The following TMPRSS4 variants were observed in gnomAD, a reference collection of about 807,000 sequenced individuals.
TMPRSS4 encodes transmembrane protease serine 4.
A neutral mutation model predicts 56.4 loss-of-function variants in TMPRSS4; 45 were observed. The observed-to-expected ratio is 0.80, with a 90% CI of 0.63 to 1.02. The LOEUF is 1.02. Ranked by LOEUF, TMPRSS4 falls within the 50% of genes least tolerant of loss-of-function variation. The probability of loss-of-function intolerance (pLI) is 0.00; values close to 1 mark genes in which losing one functional copy is unlikely to be tolerated. For synonymous variants in TMPRSS4, 205 were observed against 211.0 expected (o/e 0.97, Z 0.25); for missense variants, 546 against 556.7 (o/e 0.98, Z 0.19).
At chr11:118,093,971 T>C (rs1222717354) in intron 1 of TMPRSS4, among the ~76,000 whole-genome samples, 1 of 152,246 alleles carries the variant, frequency 6.6e-6, no homozygotes, top group Non-Finnish European at 1.5e-5. Context: ...GCACTGAGAA[T>C]GTTTATTCTT....
chr11:118,098,031 A>C (rs1375323932), intron 2 of TMPRSS4, among the ~76,000 whole-genome samples: 1 of 152,244 alleles, frequency 6.6e-6, no homozygotes, highest in East Asian at 1.9e-4. Context: ...CGGCCTCCCA[A>C]AGTGCTGGGA....
At chr11:118,103,389 T>TTTGTTTGTTTGTTTG (rs1555087229) in intron 4 of TMPRSS4, 136 bp downstream of exon 4, 5 of 1,141,016 alleles carry the variant, frequency 4.4e-6, no homozygotes, top group Non-Finnish European at 6.0e-6. Context: ...TGTTTGTTTG[T>TTTGTTTGTTTGTTTG]TTGTTGTTGT....
At chr11:118,114,556 G>A (rs1947443041) in intron 9 of TMPRSS4, among the ~76,000 whole-genome samples, 1 of 152,202 alleles carries the variant, frequency 6.6e-6, no homozygotes, top group African/African-American at 2.4e-5. Context: ...TGGTTGTCTA[G>A]TATCTGTCCC....
intron 3 of TMPRSS4, 61 bp from the exon 4 acceptor site, chr11:118,103,040 C>T (rs529461950): frequency 1.1e-5 from 18 of 1,585,598 alleles, no homozygotes; most frequent in African/African-American, 4.0e-5. Context: ...GAAAACCCAG[C>T]GTCTCCCTGC....
chr11:118,110,534 G>A (rs757027585), intron 7 of TMPRSS4, among the ~76,000 whole-genome samples: 5 of 151,994 alleles, frequency 3.3e-5, no homozygotes, highest in Non-Finnish European at 7.4e-5. Context: ...CACCATGCCC[G>A]GCTAATTTTT....
chr11:118,093,714 A>G (rs1299868371), intron 1 of TMPRSS4, among the ~76,000 whole-genome samples: 1 of 152,182 alleles, frequency 6.6e-6, no homozygotes, highest in African/African-American at 2.4e-5. Context: ...CCACCCAGTG[A>G]ATTTTTGCAC....
chr11:118,103,316 C>A (rs569745703), intron 4 of TMPRSS4, 63 bp downstream of exon 4: 3 of 1,569,396 alleles, frequency 1.9e-6, no homozygotes, highest in South Asian at 2.3e-5. Flanking sequence ...CAGGCCCCCA[C>A]GGCCCACTGC....
At chr11:118,080,507 C>T (rs1165937829) in intron 1 of TMPRSS4, among the ~76,000 whole-genome samples, 2 of 152,156 alleles carry the variant, frequency 1.3e-5, no homozygotes, top group Non-Finnish European at 2.9e-5. Context: ...TGCCTGGGTG[C>T]TTCCCTGGAG....
intron 3 of TMPRSS4, among the ~76,000 whole-genome samples, chr11:118,101,476 C>G (rs776946462): frequency 3.3e-5 from 5 of 151,932 alleles, no homozygotes; most frequent in Non-Finnish European, 5.9e-5. Context: ...GTTTGTATGT[C>G]TGTCTGCTTG....
rs183170736 is a variant in TMPRSS4 at position 118,103,002 on chromosome 11, G to A, written c.158-99G>A. The A allele has an allele frequency of 1.0e-4, 150 of 1,485,430 alleles. No homozygotes were observed. In the East Asian group the frequency reaches 2.5e-3, roughly 25 times the overall value. 92.0% of individuals were successfully genotyped at this position (1,485,430 alleles called of 1,614,324 possible). A position where few individuals can be genotyped will look rare whatever the true frequency, so the allele number is the denominator to read the frequency against. On this transcript the variant is annotated intron_variant, in intron 3 of 12. Coordinates refer to ENST00000437212, the MANE Select transcript of TMPRSS4 (RefSeq NM_019894.4). ...AACTGAGCCTGGAACTCACACATGC[G>A]TGTCTGAGAGCCCAGCACTATCGCC... is the stretch of plus-strand genomic sequence containing the variant.
rs1947288680 is a variant in TMPRSS4, at chr11:118,111,766, C to T, written c.609C>T (p.Pro203=). The T allele has an allele frequency of 6.3e-7, 1 of 1,596,404 alleles. No homozygotes were observed. The highest frequency in any genetic ancestry group is 1.4e-5 in the African/African-American group (1 of 73,798). The change falls in exon 8 of 13, where the codon CCC becomes CCT. Residue 203 remains proline, a synonymous_variant. Coordinates refer to ENST00000437212, the MANE Select transcript of TMPRSS4 (RefSeq NM_019894.4). ...CLACGKSLKT[P]RVVGVEEASV... is the part of the protein sequence containing the mutation. ...CCTGTGGGAAGAGCCTGAAGACCCCCCGTGTGGTGGGTGTGGAGGAGGCCT... is the reference window on the plus strand; with the variant it reads ...CCTGTGGGAAGAGCCTGAAGACCCCTCGTGTGGTGGGTGTGGAGGAGGCCT...
chr11:118,085,400 T>G (rs1417086887), intron 1 of TMPRSS4, among the ~76,000 whole-genome samples: 1 of 152,026 alleles, frequency 6.6e-6, no homozygotes, highest in Non-Finnish European at 1.5e-5. Flanking sequence ...ATTTTTTGTA[T>G]TTTTAGTAGA....
At chr11:118,087,117 A>C (rs1404588239) in intron 1 of TMPRSS4, among the ~76,000 whole-genome samples, 1 of 152,070 alleles carries the variant, frequency 6.6e-6, no homozygotes, top group African/African-American at 2.4e-5. Context: ...CTCTGGCTCT[A>C]GGTTTTCCTA....
intron 3 of TMPRSS4, among the ~76,000 whole-genome samples, chr11:118,102,651 G>T (rs1405421851): frequency 1.3e-5 from 2 of 152,216 alleles, no homozygotes; most frequent in Non-Finnish European, 2.9e-5. Context: ...AGAGGCTACA[G>T]TGAGCCAAGA....
chr11:118,081,919 A>G (rs1441463829), intron 1 of TMPRSS4, among the ~76,000 whole-genome samples: 1 of 152,164 alleles, frequency 6.6e-6, no homozygotes, highest in African/African-American at 2.4e-5. Context: ...CACACTCCAG[A>G]CAAAGCCTGA....
In TMPRSS4 at chr11:118,077,079, C is replaced by G; in HGVS notation, c.-224C>G. 7.5e-6 allele frequency: 4 copies of G among 532,598 alleles called. No individual in the cohort carries two copies. Among genetic ancestry groups the G allele is most frequent in the Admixed American group, 3.5e-5 (1 of 28,430 alleles). The allele number at this position is 532,598 out of a possible 1,614,324, so 33.0% of individuals were successfully genotyped here. ...CAAGCTGCCCAAAGTCCCCCAATCA[C>G]TCCTGGAATACACAGAGAGAGGCAG... On this transcript the variant is annotated 5_prime_UTR_variant, in exon 1 of 13. Coordinates refer to ENST00000437212, the MANE Select transcript of TMPRSS4 (RefSeq NM_019894.4).
chr11:118,104,764 C>G lies in TMPRSS4; in HGVS notation c.384C>G (p.Phe128Leu). The change falls in exon 5 of 13, where the codon TTC becomes TTG. Residue 128 changes from phenylalanine to leucine, a missense_variant. Physicochemically the swap from Phe to Leu is conservative, Grantham distance 22 (BLOSUM62 0). Coordinates refer to ENST00000437212, the MANE Select transcript of TMPRSS4 (RefSeq NM_019894.4). ...SATGNWFSACFDNFTEALAET... is the reference protein window; with the variant it reads ...SATGNWFSACLDNFTEALAET... ...CAGGGAACTGGTTCTCTGCCTGTTT[C>G]GACAACTTCACAGAAGCTCTCGCTG... is the stretch of plus-strand genomic sequence containing the variant. The G allele has an allele frequency of 6.2e-7, 1 of 1,614,032 alleles. No individual in the cohort carries two copies. The highest frequency in any genetic ancestry group is 8.5e-7 in the Non-Finnish European group (1 of 1,179,946).
chr11:118,108,716 C>G (rs1947125301), intron 6 of TMPRSS4, 140 bp from the exon 7 acceptor site: 2 of 757,248 alleles, frequency 2.6e-6, no homozygotes, highest in Non-Finnish European at 4.4e-6. Flanking sequence ...AATGCAGTCT[C>G]CAAATGTTCC....
intron 2 of TMPRSS4, among the ~76,000 whole-genome samples, chr11:118,098,747 G>T (rs1196694611): frequency 6.6e-6 from 1 of 152,154 alleles, no homozygotes; most frequent in Admixed American, 6.5e-5. Flanking sequence ...CTGACCTGGG[G>T]GCTCCTTTGA....
Sources: gnomAD v4.1 joint callset for allele counts (sites outside exome capture counted in the v4.1 genomes callset) on GRCh38, gnomAD v4.1.1 for gene constraint, MANE v1.5 for transcripts, NCBI Gene and HGNC (gene_info 2026-07-23, HGNC 2026-07-21) for gene names.